ATRNL1: variants seen among roughly 807,000 people sequenced by gnomAD.
ATRNL1 encodes attractin like 1, also known as attractin-like protein 1.
In ATRNL1, 95 loss-of-function variants were observed where a neutral mutation model predicts 182.7. The observed-to-expected ratio is 0.52, with a 90% CI of 0.44 to 0.62. The LOEUF (loss-of-function observed/expected upper bound fraction) is 0.62, where lower values mean the gene tolerates loss of function less well. Among genes scored for constraint, ATRNL1 ranks in the 20% least tolerant of loss-of-function variants. ATRNL1 has a pLI of 0.00. For missense variants in ATRNL1, 1,471 were observed against 1,679.5 expected (o/e 0.88, Z 2.17); for synonymous variants, 576 against 568.3 (o/e 1.01, Z -0.19).
chr10:115,512,391 A>G (rs1478434178), intron 24 of ATRNL1, among the ~76,000 whole-genome samples: 1 of 151,916 alleles, frequency 6.6e-6, no homozygotes, highest in Non-Finnish European at 1.5e-5. Context: ...ACACAATAAC[A>G]TCTGTACCTT....
At chr10:115,688,738 A>G (rs1946297726) in intron 26 of ATRNL1, among the ~76,000 whole-genome samples, 1 of 152,026 alleles carries the variant, frequency 6.6e-6, no homozygotes, top group Non-Finnish European at 1.5e-5. Flanking sequence ...TAATTTGCCA[A>G]TATTTTCCCC....
rs2085022039 is a variant in ATRNL1 at position 115,096,779 on chromosome 10, T to G, written c.293+2736T>G. The G allele has an allele frequency of 3.2e-5, 40 of 1,245,392 alleles. 2 individuals carry two copies. In the South Asian group the frequency reaches 5.4e-4, roughly 17 times the overall value. The allele number at this position is 1,245,392 out of a possible 1,614,324, so 77.1% of individuals were successfully genotyped here. A position where few individuals can be genotyped will look rare whatever the true frequency, so the allele number is the denominator to read the frequency against. ...GTTCTCTTAGCATTGATTCCAGTCTTCTGTTTCCATTTGAAAAGAATAAAG... is the reference window on the plus strand; with the variant it reads ...GTTCTCTTAGCATTGATTCCAGTCTGCTGTTTCCATTTGAAAAGAATAAAG... On this transcript the variant is annotated intron_variant, in intron 1 of 28. Coordinates refer to ENST00000355044, the MANE Select transcript of ATRNL1 (RefSeq NM_207303.4).
intron 27 of ATRNL1, among the ~76,000 whole-genome samples, chr10:115,810,446 C>G (rs1264208806): frequency 6.6e-6 from 1 of 151,924 alleles, no homozygotes; most frequent in Non-Finnish European, 1.5e-5. Context: ...GTTTTAATGA[C>G]AAATTCTTTT....
intron 10 of ATRNL1, among the ~76,000 whole-genome samples, chr10:115,258,870 G>A (rs1280727679): frequency 2.6e-5 from 4 of 152,168 alleles, no homozygotes; most frequent in African/African-American, 9.7e-5. Context: ...TAACAGTCAG[G>A]TCCCTCAGCT....
chr10:115,280,854 G>T (rs536625838), intron 13 of ATRNL1, among the ~76,000 whole-genome samples: 1 of 152,192 alleles, frequency 6.6e-6, no homozygotes, highest in African/African-American at 2.4e-5. Context: ...AATACATGAG[G>T]TTCTATTATT....
At chr10:115,635,639 C>T (rs1317561785) in intron 26 of ATRNL1, among the ~76,000 whole-genome samples, 1 of 152,050 alleles carries the variant, frequency 6.6e-6, no homozygotes, top group Non-Finnish European at 1.5e-5. Context: ...GCTACATACC[C>T]AATAGTAATG....
At chr10:115,663,293 T>C (rs1860805319) in intron 26 of ATRNL1, among the ~76,000 whole-genome samples, 1 of 152,112 alleles carries the variant, frequency 6.6e-6, no homozygotes, top group South Asian at 2.1e-4. Flanking sequence ...TTCTGTGACT[T>C]GAAAGCTCAT....
intron 27 of ATRNL1, among the ~76,000 whole-genome samples, chr10:115,843,217 T>G (rs1950850321): frequency 6.6e-6 from 1 of 151,940 alleles, no homozygotes. Flanking sequence ...CATCAATAAG[T>G]ATAATAAAAC....
intron 27 of ATRNL1, among the ~76,000 whole-genome samples, chr10:115,813,897 T>C (rs1555087756): frequency 1.3e-5 from 2 of 152,180 alleles, no homozygotes; most frequent in South Asian, 2.1e-4. Context: ...TCATAGATCA[T>C]CTTGTACCTA....
intron 20 of ATRNL1, among the ~76,000 whole-genome samples, chr10:115,417,775 A>G (rs1264115267): frequency 6.6e-6 from 1 of 152,110 alleles, no homozygotes; most frequent in Non-Finnish European, 1.5e-5. Flanking sequence ...GATCTTCCCT[A>G]GGTCCATCTG....
At chr10:115,528,000 T>C (rs12221077) in intron 25 of ATRNL1, among the ~76,000 whole-genome samples, 537 of 10,896 alleles carry the variant, frequency 0.049, 4 homozygotes, top group East Asian at 0.25. Context: ...CTCCCTCCCT[T>C]CCTTCCTTCC....
chr10:115,805,365 C>A (rs2134244158), intron 27 of ATRNL1, among the ~76,000 whole-genome samples: 1 of 152,230 alleles, frequency 6.6e-6, no homozygotes, highest in East Asian at 1.9e-4. Flanking sequence ...CATCTTGGAG[C>A]TACCCACTTC....
intron 26 of ATRNL1, among the ~76,000 whole-genome samples, chr10:115,664,828 T>TA (rs1310430289): frequency 6.6e-6 from 1 of 152,174 alleles, no homozygotes; most frequent in Admixed American, 6.6e-5. Context: ...TAAATTTACC[T>TA]AACTGTAATT....
intron 26 of ATRNL1, among the ~76,000 whole-genome samples, chr10:115,556,039 A>G (rs1853296385): frequency 6.6e-6 from 1 of 152,010 alleles, no homozygotes; most frequent in Non-Finnish European, 1.5e-5. Context: ...ACCGAACCAT[A>G]CAGAGAACTT....
At chr10:115,509,651 G>C (rs1044342383) in intron 24 of ATRNL1, among the ~76,000 whole-genome samples, 1 of 151,916 alleles carries the variant, frequency 6.6e-6, no homozygotes, top group African/African-American at 2.4e-5. Flanking sequence ...TACAACCTGT[G>C]GGTCTATGAG....
chr10:115,321,028 T>G (rs1854556916), intron 18 of ATRNL1, among the ~76,000 whole-genome samples: 1 of 152,134 alleles, frequency 6.6e-6, no homozygotes, highest in Admixed American at 6.6e-5. Flanking sequence ...TAGTTTTGAG[T>G]TTGAGTTTCA....
intron 8 of ATRNL1, among the ~76,000 whole-genome samples, chr10:115,179,023 T>A (rs964257560): frequency 3.3e-5 from 5 of 152,174 alleles, no homozygotes; most frequent in African/African-American, 1.2e-4. Context: ...GGCCATATAT[T>A]AAATGCTTGA....
At chr10:115,202,115 C>T (rs1848605189) in intron 8 of ATRNL1, among the ~76,000 whole-genome samples, 2 of 152,092 alleles carry the variant, frequency 1.3e-5, no homozygotes, top group Admixed American at 6.6e-5. Flanking sequence ...TGCTTATCAG[C>T]TTAAGGAGAT....
At chr10:115,522,123 T>A (rs1554985370) in intron 25 of ATRNL1, among the ~76,000 whole-genome samples, 1 of 152,208 alleles carries the variant, frequency 6.6e-6, no homozygotes, top group East Asian at 1.9e-4. Flanking sequence ...ATACCCTGGC[T>A]CTGTTCTTAA....
Sources: gnomAD v4.1 joint callset for allele counts (sites outside exome capture counted in the v4.1 genomes callset) on GRCh38, gnomAD v4.1.1 for gene constraint, MANE v1.5 for transcripts, NCBI Gene and HGNC (gene_info 2026-07-23, HGNC 2026-07-21) for gene names.